Variants in ITGA10 observed in about 807,000 individuals in gnomAD.
The protein encoded by ITGA10 is integrin alpha-10.
ITGA10 carries 105 observed loss-of-function variants against 145.2 expected under a neutral mutation model. That is an observed-to-expected ratio of 0.72 (90% CI 0.62 to 0.85). The LOEUF (loss-of-function observed/expected upper bound fraction) is 0.85, where lower values mean the gene tolerates loss of function less well. Among genes scored for constraint, ITGA10 ranks in the 40% least tolerant of loss-of-function variants. ITGA10 has a pLI of 0.00. For synonymous variants in ITGA10, 506 were observed against 557.8 expected (o/e 0.91, Z 1.31); for missense variants, 1,317 against 1,444.5 (o/e 0.91, Z 1.43).
In ITGA10 at chr1:145,901,314, AG is replaced by A. The variant is rs1656285808; in HGVS notation, c.1444-37del. On this transcript the variant is annotated intron_variant, in intron 12 of 29. Coordinates refer to ENST00000369304, the MANE Select transcript of ITGA10 (RefSeq NM_003637.5). This position sits in a 1 kb window ranked among gnomAD's most constrained non-coding sequence, Gnocchi z 4.3. ...GTGGGTGATGATGACCCCAGAGAAA[AG>A]GGAAGGTAACTGTAGACAAGTGGAC... is the stretch of plus-strand genomic sequence containing the variant. The A allele has an allele frequency of 6.2e-7, 1 of 1,611,074 alleles. No homozygotes were observed. Among genetic ancestry groups the A allele is most frequent in the Non-Finnish European group, 8.5e-7 (1 of 1,178,218 alleles).
chr1:145,896,229 C>A lies in ITGA10; in HGVS notation c.2919+39G>T, dbSNP rs587730324. The A allele has an allele frequency of 2.1e-4, 321 of 1,550,650 alleles. 6 individuals are homozygous for A. In the South Asian group the frequency reaches 3.4e-3, roughly 17 times the overall value. On this transcript the variant is annotated intron_variant, in intron 24 of 29. Coordinates refer to ENST00000369304, the MANE Select transcript of ITGA10 (RefSeq NM_003637.5). Reference sequence around the variant, plus strand: ...CTTTTCCCACAAAGCTGTTGTTCCCCCACATTCTCCTCATGCCAAGACCCC... The same window carrying A: ...CTTTTCCCACAAAGCTGTTGTTCCCACACATTCTCCTCATGCCAAGACCCC...
chr1:145,900,647 G>A (rs1255202698), intron 14 of ITGA10, 143 bp downstream of exon 14: 10 of 790,884 alleles, frequency 1.3e-5, no homozygotes, highest in Non-Finnish European at 1.8e-5. Flanking sequence ...TCAGCAACCT[G>A]TCCACTGCCT....
intron 27 of ITGA10, among the ~76,000 whole-genome samples, chr1:145,895,016 A>C (rs1247574807): frequency 6.6e-6 from 1 of 152,222 alleles, no homozygotes; most frequent in African/African-American, 2.4e-5. Flanking sequence ...ATACAAGGAT[A>C]ATAACTAGCT....
chr1:145,905,283 C>CA (rs1656976912), intron 5 of ITGA10, among the ~76,000 whole-genome samples: 1 of 146,268 alleles, frequency 6.8e-6, no homozygotes, highest in South Asian at 2.1e-4. Context: ...GGGTAGAGAA[C>CA]ATTTTTTTTT....
chr1:145,906,517 G>A lies in ITGA10; in HGVS notation c.367-9C>T. On this transcript the variant is annotated splice_polypyrimidine_tract_variant and intron_variant, in intron 4 of 29. Coordinates refer to ENST00000369304, the MANE Select transcript of ITGA10 (RefSeq NM_003637.5). Reference sequence around the variant, plus strand: ...CAGAGAGGGGCACAGGCCTGGGGATGGGGGAAATAGTTACTCCCAGGCTTG... The same window carrying A: ...CAGAGAGGGGCACAGGCCTGGGGATAGGGGAAATAGTTACTCCCAGGCTTG... The A allele has an allele frequency of 2.5e-6, 4 of 1,610,380 alleles. No homozygotes were observed. The highest frequency in any genetic ancestry group is 3.4e-6 in the Non-Finnish European group (4 of 1,176,714).
At chr1:145,893,486 C>T (rs1654970459) in intron 28 of ITGA10, 54 bp downstream of exon 28, 1 of 1,421,860 alleles carries the variant, frequency 7.0e-7, no homozygotes, top group Non-Finnish European at 9.8e-7. Context: ...GTGGCCCTAC[C>T]ACATACCCAT....
rs782643200 is a variant in ITGA10, at chr1:145,901,941, G to A, written c.1230C>T (p.Phe410=). The A allele has an allele frequency of 1.2e-6, 2 of 1,614,134 alleles. No homozygotes were observed. Among genetic ancestry groups the A allele is most frequent in the Admixed American group, 1.7e-5 (1 of 60,008 alleles). ...CGTCTTCCAGTGCCATTCGTGGGGG[G>A]AAAAGGCGGTGGCCTCCTTCAAGCC... is the stretch of plus-strand genomic sequence containing the variant. ...VLWLEGGHRL[F]PPRMALEDEF... is the part of the protein sequence containing the mutation. The change falls in exon 11 of 30, where the codon TTC becomes TTT. Residue 410 remains phenylalanine (F), a synonymous_variant. Coordinates refer to ENST00000369304, the MANE Select transcript of ITGA10 (RefSeq NM_003637.5). This position sits in a 1 kb window ranked among gnomAD's most constrained non-coding sequence, Gnocchi z 4.3.
At position 145,907,677 on chromosome 1, in the gene ITGA10, C is replaced by T. The variant is rs115968893; in HGVS notation, c.53-212G>A. 567 of 796,952 alleles carry T rather than the reference C, an allele frequency of 7.1e-4. 1 individual carries two copies. The African/African-American group carries it at 9.9e-3, about 14-fold the overall frequency. The allele number at this position is 796,952 out of a possible 1,614,324, so 49.4% of individuals were successfully genotyped here. A position where few individuals can be genotyped will look rare whatever the true frequency, so the allele number is the denominator to read the frequency against. Reference sequence around the variant, plus strand: ...GTGTCCAGATGCCTAAACTGTGGCCCTCTGCCATGCTGATGTACAGCTGTA... The same window carrying T: ...GTGTCCAGATGCCTAAACTGTGGCCTTCTGCCATGCTGATGTACAGCTGTA... On this transcript the variant is annotated intron_variant, in intron 1 of 29. Coordinates refer to ENST00000369304, the MANE Select transcript of ITGA10 (RefSeq NM_003637.5).
In ITGA10 at chr1:145,900,987, A is replaced by G; in HGVS notation, c.1594T>C (p.Leu532=). 1.2e-6 allele frequency: 2 copies of G among 1,614,122 alleles called. No homozygotes were observed. Among genetic ancestry groups the G allele is most frequent in the Non-Finnish European group, 1.7e-6 (2 of 1,180,012 alleles). ...VYVYLVGQQS[L]LTLQGTLQPE... Reference sequence around the variant, plus strand: ...TGAAGTGTTCCTTGGAGGGTCAGCAAGGACTGCTGGTGGAGGAGAGAAGAT... The same window carrying G: ...TGAAGTGTTCCTTGGAGGGTCAGCAGGGACTGCTGGTGGAGGAGAGAAGAT... The change falls in exon 14 of 30, where the codon TTG becomes CTG. Residue 532 remains leucine (L), a synonymous_variant. Transcript: ENST00000369304.
intron 18 of ITGA10, 24 bp downstream of exon 18, chr1:145,898,086 G>A: frequency 1.3e-6 from 2 of 1,519,300 alleles, no homozygotes; most frequent in South Asian, 2.2e-5. Context: ...TTGGGAGCAA[G>A]GGGCAGGGCA....
intron 14 of ITGA10, 115 bp downstream of exon 14, chr1:145,900,675 A>T: frequency 9.0e-7 from 1 of 1,109,542 alleles, no homozygotes; most frequent in Non-Finnish European, 1.3e-6. Context: ...TTGCCTACTA[A>T]TAAAAGCACT....
rs1314859856 is a variant in ITGA10, at chr1:145,901,935, T to TG, written c.1235dup (p.Arg413ThrfsTer43). 2.5e-6 allele frequency: 4 copies of TG among 1,613,938 alleles called. No individual in the cohort carries two copies. The highest frequency in any genetic ancestry group is 2.2e-5 in the East Asian group (1 of 44,862). ...GGAACTCGTCTTCCAGTGCCATTCG[T>TG]GGGGGGAAAAGGCGGTGGCCTCCTT... On this transcript the variant is annotated frameshift_variant, in exon 11 of 30. Coordinates refer to ENST00000369304, the MANE Select transcript of ITGA10 (RefSeq NM_003637.5). LOFTEE classifies it high-confidence loss of function. The surrounding 1 kb of genome is among the most constrained non-coding windows in gnomAD (Gnocchi z 4.3).
chr1:145,897,352 G>T lies in ITGA10; in HGVS notation c.2575-13C>A, dbSNP rs1553745582. On this transcript the variant is annotated splice_polypyrimidine_tract_variant and intron_variant, in intron 20 of 29. Coordinates refer to ENST00000369304, the MANE Select transcript of ITGA10 (RefSeq NM_003637.5). ...TTGGGCTCTCTCTCTGAGGGCAGGG[G>T]AATGGAGATAGAAGCTGGAGCTGGG... 2 of 1,613,370 alleles carry T rather than the reference G, an allele frequency of 1.2e-6. No homozygotes were observed. Among genetic ancestry groups the T allele is most frequent in the East Asian group, 4.5e-5 (2 of 44,886 alleles).
At position 145,906,838 on chromosome 1, in the gene ITGA10, G is replaced by A; in HGVS notation, c.275-14C>T. 1 of 1,583,590 alleles carries A rather than the reference G, an allele frequency of 6.3e-7. No homozygotes were observed. The highest frequency in any genetic ancestry group is 8.7e-7 in the Non-Finnish European group (1 of 1,153,014). Reference sequence around the variant, plus strand: ...GTTGGTAGTCACCTGGTTGGAAGGAGGTGGAAGAGAATGAGATCATGGGGT... The same window carrying A: ...GTTGGTAGTCACCTGGTTGGAAGGAAGTGGAAGAGAATGAGATCATGGGGT... On this transcript the variant is annotated splice_polypyrimidine_tract_variant and intron_variant, in intron 3 of 29. Coordinates refer to ENST00000369304, the MANE Select transcript of ITGA10 (RefSeq NM_003637.5).
At chr1:145,897,488 C>T (rs1553745651) in intron 20 of ITGA10, 24 bp downstream of exon 20, 1 of 1,613,306 alleles carries the variant, frequency 6.2e-7, no homozygotes, top group Non-Finnish European at 8.5e-7. Flanking sequence ...TTTCCTTCTC[C>T]CACACCCCCT....
chr1:145,906,444 C>T lies in ITGA10; in HGVS notation c.431G>A (p.Arg144His), dbSNP rs148231059. ...CTGAGGCTGGAATGAAGCATCCACA[C>T]GGGCACATATCCCAGAACTGAAGAC... ...SSVFSSGICA[R>H]VDASFQPQGS... The change falls in exon 5 of 30, where the codon CGT becomes CAT. Residue 144 changes from arginine (R) to histidine (H), a missense_variant. Coordinates refer to ENST00000369304, the MANE Select transcript of ITGA10 (RefSeq NM_003637.5). 1.6e-4 allele frequency: 263 copies of T among 1,613,974 alleles called. No individual in the cohort carries two copies. The highest frequency in any genetic ancestry group is 2.1e-4 in the Non-Finnish European group (249 of 1,180,030).
intron 26 of ITGA10, 28 bp from the exon 27 acceptor site, chr1:145,895,421 T>C (rs973973752): frequency 1.3e-6 from 2 of 1,573,514 alleles, no homozygotes; most frequent in Non-Finnish European, 1.7e-6. Flanking sequence ...GAGAGACAGA[T>C]CAGGACTCTG....
Position 145,897,024 on chromosome 1 carries a change from G to A in ITGA10, c.2731C>T (p.Leu911=), listed in dbSNP as rs782113915. 1 of 1,613,974 alleles carries A rather than the reference G, an allele frequency of 6.2e-7. No homozygotes were observed. Among genetic ancestry groups the A allele is most frequent in the Admixed American group, 1.7e-5 (1 of 60,018 alleles). Residue 911 remains leucine (L), a synonymous_variant, in exon 22 of 30, where the codon CTG becomes TTG. Coordinates refer to ENST00000369304, the MANE Select transcript of ITGA10 (RefSeq NM_003637.5). ...CTTCATTCTCACCTGCTGGCAGTCA[G>A]CTTCACGAAGACCTGGCTCAGGAGA... ...SSLLSQVFVK[L]TASSDSLERN...
In ITGA10 at chr1:145,891,345, C is replaced by T. The variant is rs1441057174; in HGVS notation, c.*1453G>A. ...CAAAATAAATACTGTGGTCAGGCCT[C>T]AGGAACAGCCTGGGAGGACAGGTTC... On this transcript the variant is annotated 3_prime_UTR_variant, in exon 30 of 30. Coordinates refer to ENST00000369304, the MANE Select transcript of ITGA10 (RefSeq NM_003637.5). The T allele has an allele frequency of 6.6e-6, 1 of 152,632 alleles. No individual in the cohort carries two copies. The highest frequency in any genetic ancestry group is 1.5e-5 in the Non-Finnish European group (1 of 68,056). 9.5% of individuals were successfully genotyped at this position (152,632 alleles called of 1,614,324 possible).
Sources: allele counts gnomAD v4.1 joint callset (sites outside exome capture counted in the v4.1 genomes callset), GRCh38; gene constraint gnomAD v4.1.1; non-coding constraint Gnocchi (gnomAD v3.1); transcripts MANE v1.5; gene names NCBI Gene and HGNC (gene_info 2026-07-23, HGNC 2026-07-21).